The following DCC variants were observed in gnomAD, a reference collection of about 807,000 sequenced individuals.
DCC encodes DCC netrin 1 receptor, also known as netrin receptor DCC.
Under a neutral mutation model 172.5 loss-of-function variants are expected in DCC, and 58 were observed. The observed-to-expected ratio is 0.34, with a 90% CI of 0.27 to 0.42. The LOEUF (loss-of-function observed/expected upper bound fraction) is 0.42, where lower values mean the gene tolerates loss of function less well. Ranked by LOEUF, DCC falls within the 10% of genes least tolerant of loss-of-function variation. The pLI, the probability that DCC is intolerant of heterozygous loss-of-function variation, is 1.00. For synonymous variants in DCC, 709 were observed against 644.5 expected, an observed-to-expected ratio of 1.10 and a Z score of -1.52; for missense variants, 1,740 against 1,791.0, an observed-to-expected ratio of 0.97 and a Z score of 0.51.
At chr18:52,534,934 T>A (rs909090935) in intron 1 of DCC, among the ~76,000 whole-genome samples, 1 of 152,152 alleles carries the variant, frequency 6.6e-6, no homozygotes, top group African/African-American at 2.4e-5. Context: ...TATGTATAGC[T>A]GGAATACAGA....
chr18:52,646,138 T>C (rs925650701), intron 1 of DCC, among the ~76,000 whole-genome samples: 1 of 152,196 alleles, frequency 6.6e-6, no homozygotes, highest in Non-Finnish European at 1.5e-5. Context: ...CTGATCTCTC[T>C]GAGTCTCAGT....
At chr18:53,167,366 T>C (rs556174220) in intron 8 of DCC, among the ~76,000 whole-genome samples, 17 of 152,322 alleles carry the variant, frequency 1.1e-4, no homozygotes, top group Non-Finnish European at 1.8e-4. Context: ...ACAGGAGATT[T>C]TCTATTTTTT....
At chr18:52,891,858 T>A (rs1311326977) in intron 2 of DCC, among the ~76,000 whole-genome samples, 3 of 152,104 alleles carry the variant, frequency 2.0e-5, no homozygotes. Flanking sequence ...AGTTTCTCTC[T>A]GAGATTCCTG....
At chr18:53,326,405 A>G (rs910685052) in intron 14 of DCC, among the ~76,000 whole-genome samples, 2 of 152,204 alleles carry the variant, frequency 1.3e-5, no homozygotes, top group Admixed American at 1.3e-4. Flanking sequence ...TTCTCAATTT[A>G]TTGATCCATG....
chr18:53,220,188 GTGTA>G (rs1233581961), intron 12 of DCC, among the ~76,000 whole-genome samples: 1 of 152,166 alleles, frequency 6.6e-6, no homozygotes, highest in Non-Finnish European at 1.5e-5. Flanking sequence ...TCTGGGGTAT[GTGTA>G]TGTGTGTATT....
At chr18:52,715,486 G>A (rs2036364796) in intron 1 of DCC, among the ~76,000 whole-genome samples, 1 of 151,890 alleles carries the variant, frequency 6.6e-6, no homozygotes, top group Admixed American at 6.6e-5. Flanking sequence ...TATATTTTTA[G>A]TAGAGACAGG....
chr18:52,673,683 G>A (rs1189962283), intron 1 of DCC, among the ~76,000 whole-genome samples: 2 of 152,186 alleles, frequency 1.3e-5, no homozygotes, highest in African/African-American at 4.8e-5. Context: ...CATGGACCTT[G>A]ATGGTGTAAA....
intron 9 of DCC, among the ~76,000 whole-genome samples, chr18:53,183,545 A>G (rs978071485): frequency 3.9e-5 from 6 of 152,130 alleles, no homozygotes; most frequent in Non-Finnish European, 7.4e-5. Flanking sequence ...AAAATGGACC[A>G]CATACTGGCT....
chr18:53,416,046 GA>G, intron 20 of DCC, 77 bp from the exon 21 acceptor site: 1 of 1,057,848 alleles, frequency 9.5e-7, no homozygotes, highest in South Asian at 1.3e-5. Context: ...TTACTAAAAA[GA>G]ACTGTTGGTT....
At chr18:52,538,542 C>T (rs982652811) in intron 1 of DCC, among the ~76,000 whole-genome samples, 5 of 151,992 alleles carry the variant, frequency 3.3e-5, no homozygotes, top group African/African-American at 1.2e-4. Flanking sequence ...ATAATAAATC[C>T]TGCCTTATTA....
chr18:52,442,836 C>T (rs969371792), intron 1 of DCC, among the ~76,000 whole-genome samples: 4 of 152,070 alleles, frequency 2.6e-5, no homozygotes, highest in Non-Finnish European at 5.9e-5. Context: ...TGCTCTACAT[C>T]GGGTCAGAAA....
chr18:52,934,217 G>GTATCTAGTGATCAATATAACAA (rs1331769375), intron 5 of DCC, among the ~76,000 whole-genome samples: 8 of 151,778 alleles, frequency 5.3e-5, no homozygotes, highest in Non-Finnish European at 7.4e-5. Flanking sequence ...CAATATAACA[G>GTATCTAGTGATCAATATAACAA]TATCTAGTGA....
intron 1 of DCC, among the ~76,000 whole-genome samples, chr18:52,342,175 G>T (rs1164565723): frequency 6.6e-6 from 1 of 152,174 alleles, no homozygotes; most frequent in Non-Finnish European, 1.5e-5. Context: ...CCAAAGCCTC[G>T]CTCGGCCGCA....
intron 14 of DCC, among the ~76,000 whole-genome samples, chr18:53,337,650 G>GA (rs202077363): frequency 1.1e-3 from 166 of 151,680 alleles, no homozygotes; most frequent in Non-Finnish European, 5.3e-4. Context: ...ATCTTTGGGG[G>GA]AAAAAAAAGC....
At chr18:53,524,338 G>A (rs573200227) in intron 27 of DCC, among the ~76,000 whole-genome samples, 33 of 151,690 alleles carry the variant, frequency 2.2e-4, no homozygotes, top group East Asian at 3.9e-4. Context: ...AAAACTGGGC[G>A]TGAATGACAA....
chr18:53,448,055 T>TGTTTG (rs1555673130), intron 22 of DCC, among the ~76,000 whole-genome samples: 4 of 149,562 alleles, frequency 2.7e-5, no homozygotes, highest in African/African-American at 1.0e-4. Flanking sequence ...GAGTTTTTTT[T>TGTTTG]TTTTTTTTTT....
chr18:52,586,796 T>C (rs775598560), intron 1 of DCC, among the ~76,000 whole-genome samples: 1 of 152,164 alleles, frequency 6.6e-6, no homozygotes, highest in African/African-American at 2.4e-5. Flanking sequence ...CTGCAGAGTA[T>C]TGTCACATAG....
intron 9 of DCC, among the ~76,000 whole-genome samples, chr18:53,196,397 A>G (rs1178671646): frequency 6.6e-6 from 1 of 152,176 alleles, no homozygotes; most frequent in Admixed American, 6.5e-5. Context: ...AACATATTCT[A>G]CATACTTCAC....
At chr18:52,917,976 A>G (rs956228210) in intron 3 of DCC, among the ~76,000 whole-genome samples, 3 of 128,906 alleles carry the variant, frequency 2.3e-5, no homozygotes, top group African/African-American at 2.7e-5. Flanking sequence ...TGACATTAGA[A>G]AAAAATCCAT....
Sources: allele counts gnomAD v4.1 joint callset (sites outside exome capture counted in the v4.1 genomes callset), GRCh38; gene constraint gnomAD v4.1.1; transcripts MANE v1.5; gene names NCBI Gene and HGNC (gene_info 2026-07-23, HGNC 2026-07-21).